Variants in AKAP13 observed in about 807,000 individuals in gnomAD.
AKAP13 encodes A-kinase anchor protein 13.
Under a neutral mutation model 264.5 loss-of-function variants are expected in AKAP13, and 80 were observed. The observed-to-expected ratio is 0.30, with a 90% CI of 0.25 to 0.36. The LOEUF (loss-of-function observed/expected upper bound fraction) is 0.36. Among genes scored for constraint, AKAP13 ranks in the 10% least tolerant of loss-of-function variants. The pLI, the probability that AKAP13 is intolerant of heterozygous loss-of-function variation, is 1.00. For missense variants in AKAP13, 3,712 were observed against 3,435.2 expected (o/e 1.08, Z -2.01); for synonymous variants, 1,380 against 1,250.2 (o/e 1.10, Z -2.19).
At chr15:85,526,012 C>G (rs868227830) in intron 3 of AKAP13, among the ~76,000 whole-genome samples, 1 of 152,154 alleles carries the variant, frequency 6.6e-6, no homozygotes, top group African/African-American at 2.4e-5. Flanking sequence ...TTAGAATTCA[C>G]AGCAAGAGTT....
intron 17 of AKAP13, among the ~76,000 whole-genome samples, chr15:85,700,904 G>T (rs2085873246): frequency 1.3e-5 from 2 of 152,136 alleles, no homozygotes; most frequent in Non-Finnish European, 2.9e-5. Flanking sequence ...ATTAAATAAA[G>T]AAATTAGAGG....
At chr15:85,566,410 G>A (rs564822439) in intron 5 of AKAP13, among the ~76,000 whole-genome samples, 3 of 152,148 alleles carry the variant, frequency 2.0e-5, no homozygotes, top group Non-Finnish European at 4.4e-5. Flanking sequence ...AATAACTTCA[G>A]TAAGCCAAAC....
chr15:85,688,442 T>A (rs2085070505), intron 16 of AKAP13, among the ~76,000 whole-genome samples: 1 of 152,202 alleles, frequency 6.6e-6, no homozygotes, highest in Non-Finnish European at 1.5e-5. Flanking sequence ...AAGGAAAAAT[T>A]TAAGCATCTA....
Position 85,583,578 on chromosome 15 carries a change from A to C in AKAP13, c.4039+1471A>C, listed in dbSNP as rs115330586. Reference sequence around the variant, plus strand: ...CCTGGCAGGTTGGCATTTCAGAAGAATGGGAGTGGCTGTAAGCTGATGCCT... The same window carrying C: ...CCTGGCAGGTTGGCATTTCAGAAGACTGGGAGTGGCTGTAAGCTGATGCCT... On this transcript the variant is annotated intron_variant, in intron 7 of 36. Coordinates refer to ENST00000394518, the MANE Select transcript of AKAP13 (RefSeq NM_007200.5). Among the ~76,000 whole-genome samples the C allele has an allele frequency of 8.9e-3, 1,362 of 152,304 alleles. 18 individuals are homozygous for C. The highest frequency in any genetic ancestry group is 0.031 in the African/African-American group (1,307 of 41,560).
chr15:85,708,982 C>T lies in AKAP13; in HGVS notation c.5532+896C>T, dbSNP rs1053239513. On this transcript the variant is annotated intron_variant, in intron 18 of 36. Transcript: ENST00000394518. The surrounding 1 kb of genome is among the most constrained non-coding windows in gnomAD (Gnocchi z 4.3). ...AAGTTCCCAGATGATGCTGATAGTC[C>T]GAGGACCTTACTTTGAGAAGCACTA... Among the ~76,000 whole-genome samples, 13 of 152,048 alleles carry T rather than the reference C, an allele frequency of 8.5e-5. No individual in the cohort carries two copies. The highest frequency in any genetic ancestry group is 2.4e-4 in the African/African-American group (10 of 41,410).
At chr15:85,590,416 A>G (rs954430194) in intron 8 of AKAP13, among the ~76,000 whole-genome samples, 1 of 152,196 alleles carries the variant, frequency 6.6e-6, no homozygotes, top group Admixed American at 6.6e-5. Flanking sequence ...TTAGTCTGCT[A>G]TCTGTCATAC....
chr15:85,711,611 T>G (rs1245336195), intron 19 of AKAP13, among the ~76,000 whole-genome samples: 1 of 152,226 alleles, frequency 6.6e-6, no homozygotes, highest in East Asian at 1.9e-4. Context: ...ACATTTAAAG[T>G]TCCCCTAGAG....
chr15:85,673,946 C>G (rs1212007817), intron 14 of AKAP13, among the ~76,000 whole-genome samples: 1 of 151,982 alleles, frequency 6.6e-6, no homozygotes, highest in South Asian at 2.1e-4. Context: ...CCACCTCGGC[C>G]TCCCAAAGTG....
intron 5 of AKAP13, among the ~76,000 whole-genome samples, chr15:85,563,110 T>A (rs2078464370): frequency 6.6e-6 from 1 of 152,078 alleles, no homozygotes; most frequent in African/African-American, 2.4e-5. Context: ...CTACTCAGAC[T>A]TTAGCACCTG....
chr15:85,547,021 C>T (rs1055795066), intron 5 of AKAP13, among the ~76,000 whole-genome samples: 8 of 152,138 alleles, frequency 5.3e-5, no homozygotes, highest in African/African-American at 1.7e-4. Flanking sequence ...GGATTACAGG[C>T]GTGAGCCACC....
chr15:85,454,529 G>T lies in AKAP13; in HGVS notation c.-11-31181G>T, dbSNP rs184374696. On this transcript the variant is annotated intron_variant, in intron 1 of 36. Transcript: ENST00000394518. ...TTGATTAATCCCAATGAGAGTACCTGGATGTTTCAGTTGAAGGTGTTGTAT... is the reference window on the plus strand; with the variant it reads ...TTGATTAATCCCAATGAGAGTACCTTGATGTTTCAGTTGAAGGTGTTGTAT... Among the ~76,000 whole-genome samples, 20 of 152,082 alleles carry T rather than the reference G, an allele frequency of 1.3e-4. No individual in the cohort carries two copies. In the East Asian group the frequency reaches 3.3e-3, roughly 25 times the overall value.
intron 7 of AKAP13, 132 bp downstream of exon 7, chr15:85,582,239 T>A (rs1243193861): frequency 3.0e-6 from 3 of 1,009,800 alleles, no homozygotes; most frequent in Non-Finnish European, 4.2e-6. Flanking sequence ...GTAGCCAAGT[T>A]AATAGTCACC....
chr15:85,533,811 G>C lies in AKAP13; in HGVS notation c.409G>C (p.Val137Leu). ...TGTGAATTCCCTTGATAAGAAGTTG[G>C]TGCTGGCATTCAGGCACCTGAAGCT... ...GDVNSLDKKL[V>L]LAFRHLKLPT... The change falls in exon 4 of 37, where the codon GTG becomes CTG. Residue 137 changes from valine to leucine, a missense_variant. Transcript: ENST00000394518. 6.2e-7 allele frequency: 1 copy of C among 1,613,836 alleles called. No homozygotes were observed. The highest frequency in any genetic ancestry group is 8.5e-7 in the Non-Finnish European group (1 of 1,179,838).
chr15:85,443,269 C>T (rs558677641), intron 1 of AKAP13, among the ~76,000 whole-genome samples: 2 of 152,200 alleles, frequency 1.3e-5, no homozygotes, highest in East Asian at 1.9e-4. Context: ...GCTTTCAACT[C>T]TGAGGCCCTG....
At chr15:85,678,251 C>T (rs2084364626) in intron 14 of AKAP13, among the ~76,000 whole-genome samples, 1 of 152,126 alleles carries the variant, frequency 6.6e-6, no homozygotes, top group South Asian at 2.1e-4. Flanking sequence ...GAGTCTGAGA[C>T]AATTACCATA....
chr15:85,718,288 C>CT lies in AKAP13; in HGVS notation c.6001+132dup. On this transcript the variant is annotated intron_variant, in intron 22 of 36. Transcript: ENST00000394518. The surrounding 1 kb of genome is among the most constrained non-coding windows in gnomAD (Gnocchi z 4.9). ...TTCTTGAAAAGATTTCCTTTAAAAA[C>CT]TTTAAGGTACAGAGACGTGGTCCTG... 8.8e-7 allele frequency: 1 copy of CT among 1,137,810 alleles called. No individual in the cohort carries two copies. The highest frequency in any genetic ancestry group is 1.2e-6 in the Non-Finnish European group (1 of 809,012). The allele number at this position is 1,137,810 out of a possible 1,614,324, so 70.5% of individuals were successfully genotyped here. A position where few individuals can be genotyped will look rare whatever the true frequency, so the allele number is the denominator to read the frequency against.
At position 85,467,075 on chromosome 15, in the gene AKAP13, T is replaced by TACAC. The variant is rs3054059; in HGVS notation, c.-11-18612_-11-18609dup. 3.8e-4 allele frequency among the ~76,000 whole-genome samples: 57 copies of TACAC among 149,492 alleles called. 1 individual carries two copies. Among genetic ancestry groups the TACAC allele is most frequent in the Admixed American group, 8.0e-4 (12 of 14,970 alleles). ...ATACTACATCTATTATTGTATTAAC[T>TACAC]ACACACACACACACACACACACACA... On this transcript the variant is annotated intron_variant, in intron 1 of 36. Transcript: ENST00000394518.
At chr15:85,562,691 C>CTTTTTTTTTTTTTTTTTTTTTTTTTTTTT (rs10598092) in intron 5 of AKAP13, among the ~76,000 whole-genome samples, 2 of 100,520 alleles carry the variant, frequency 2.0e-5, no homozygotes, top group Non-Finnish European at 3.7e-5. Context: ...CTTTTCTTTT[C>CTTTTTTTTTTTTTTTTTTTTTTTTTTTTT]TTTTTTTTTT....
chr15:85,652,899 A>G (rs138915421), intron 10 of AKAP13, among the ~76,000 whole-genome samples: 30 of 152,184 alleles, frequency 2.0e-4, no homozygotes, highest in African/African-American at 7.2e-4. Context: ...ATCTGGGGAC[A>G]TTTTGGATCC....
Sources: allele counts gnomAD v4.1 joint callset (sites outside exome capture counted in the v4.1 genomes callset), GRCh38; gene constraint gnomAD v4.1.1; non-coding constraint Gnocchi (gnomAD v3.1); transcripts MANE v1.5; gene names NCBI Gene and HGNC (gene_info 2026-07-23, HGNC 2026-07-21).